Variants in RAB27B observed in about 807,000 individuals in gnomAD.
RAB27B encodes the protein RAB27B, member RAS oncogene family.
In RAB27B, 15 loss-of-function variants were observed where a neutral mutation model predicts 24.6. The observed-to-expected ratio is 0.61, with a 90% confidence interval of 0.41 to 0.94. The LOEUF (loss-of-function observed/expected upper bound fraction) is 0.94, where lower values mean the gene tolerates loss of function less well. Ranked by LOEUF, RAB27B falls within the 40% of genes least tolerant of loss-of-function variation. RAB27B has a pLI of 0.00. For synonymous variants in RAB27B, 105 were observed against 92.5 expected (o/e 1.14, Z -0.78); for missense variants, 261 against 266.8 (o/e 0.98, Z 0.15).
chr18:54,757,551 C>T (rs199664635), intron 2 of RAB27B, among the ~76,000 whole-genome samples: 1 of 152,100 alleles, frequency 6.6e-6, no homozygotes, highest in East Asian at 1.9e-4. Context: ...ATTTTATTTA[C>T]AACCTCTTGT....
At chr18:54,779,679 A>G (rs1272201567) in intron 2 of RAB27B, among the ~76,000 whole-genome samples, 1 of 152,170 alleles carries the variant, frequency 6.6e-6, no homozygotes, top group Non-Finnish European at 1.5e-5. Context: ...ATCAGCATCA[A>G]TGGGAATTTG....
upstream of RAB27B, among the ~76,000 whole-genome samples, chr18:54,825,916 A>G (rs982717029): frequency 1.3e-5 from 2 of 152,214 alleles, no homozygotes; most frequent in East Asian, 1.9e-4. Flanking sequence ...CAGGTTTTGC[A>G]GGAAGAATTG....
At chr18:54,734,460 A>G (rs897202434) in intron 2 of RAB27B, among the ~76,000 whole-genome samples, 4 of 152,192 alleles carry the variant, frequency 2.6e-5, no homozygotes, top group African/African-American at 9.6e-5. Flanking sequence ...GATCTATTTG[A>G]TGATGAGACT....
intron 2 of RAB27B, among the ~76,000 whole-genome samples, chr18:54,784,694 A>T (rs535605520): frequency 1.3e-5 from 2 of 152,266 alleles, no homozygotes; most frequent in East Asian, 3.9e-4. Flanking sequence ...ACATATCTCA[A>T]AATTTTTATC....
intron 2 of RAB27B, among the ~76,000 whole-genome samples, chr18:54,743,921 A>G (rs1288228014): frequency 6.6e-6 from 1 of 152,212 alleles, no homozygotes; most frequent in African/African-American, 2.4e-5. Context: ...CAGACCAGTT[A>G]CAGAGATATC....
chr18:54,772,882 G>A (rs946675867), intron 2 of RAB27B, among the ~76,000 whole-genome samples: 4 of 151,946 alleles, frequency 2.6e-5, no homozygotes, highest in Admixed American at 2.0e-4. Flanking sequence ...TCCTTTCTTT[G>A]TACAACTTTC....
At chr18:54,757,912 A>G (rs902563583) in intron 2 of RAB27B, among the ~76,000 whole-genome samples, 1 of 150,062 alleles carries the variant, frequency 6.7e-6, no homozygotes, top group Non-Finnish European at 1.5e-5. Context: ...TGACAAATAC[A>G]AAAAAATCAC....
chr18:54,735,973 A>G (rs768261805), intron 2 of RAB27B, among the ~76,000 whole-genome samples: 4 of 152,212 alleles, frequency 2.6e-5, no homozygotes, highest in Non-Finnish European at 5.9e-5. Flanking sequence ...TGGTAGTGTC[A>G]CATTTTAAAG....
At chr18:54,799,023 CA>C (rs1909514040) in intron 2 of RAB27B, among the ~76,000 whole-genome samples, 1 of 152,118 alleles carries the variant, frequency 6.6e-6, no homozygotes, top group South Asian at 2.1e-4. Flanking sequence ...AATTTTCTGG[CA>C]ATTTTAACTT....
At chr18:54,789,258 T>G (rs1011144379) in intron 2 of RAB27B, among the ~76,000 whole-genome samples, 1 of 152,228 alleles carries the variant, frequency 6.6e-6, no homozygotes, top group African/African-American at 2.4e-5. Flanking sequence ...ATATTATTTC[T>G]GTATTCATAC....
chr18:54,770,661 T>C (rs916237718), intron 2 of RAB27B, among the ~76,000 whole-genome samples: 12 of 151,880 alleles, frequency 7.9e-5, no homozygotes, highest in African/African-American at 2.9e-4. Context: ...ACAAAACCAG[T>C]CCATGGTGCC....
intron 1 of RAB27B, among the ~76,000 whole-genome samples, chr18:54,846,290 G>A (rs1598954777): frequency 6.6e-6 from 1 of 152,194 alleles, no homozygotes; most frequent in Admixed American, 6.5e-5. Flanking sequence ...TAGAAAACAA[G>A]GTTCTGTTTT....
chr18:54,837,343 G>A (rs1910935697), intron 1 of RAB27B, among the ~76,000 whole-genome samples: 1 of 152,026 alleles, frequency 6.6e-6, no homozygotes, highest in Admixed American at 6.6e-5. Flanking sequence ...CCAGACATTG[G>A]GGGAAAGGAG....
chr18:54,732,542 T>C (rs1020462473), intron 2 of RAB27B, among the ~76,000 whole-genome samples: 1 of 152,170 alleles, frequency 6.6e-6, no homozygotes, highest in Non-Finnish European at 1.5e-5. Context: ...TATTGTACCA[T>C]AATATAGTTT....
chr18:54,825,123 A>T (rs1443512501), upstream of RAB27B, among the ~76,000 whole-genome samples: 2 of 152,210 alleles, frequency 1.3e-5, no homozygotes, highest in African/African-American at 4.8e-5. Flanking sequence ...AATTTCATTT[A>T]AAAAATGTGA....
chr18:54,833,194 G>A (rs1910756080), intron 1 of RAB27B, among the ~76,000 whole-genome samples: 1 of 151,348 alleles, frequency 6.6e-6, no homozygotes, highest in African/African-American at 2.4e-5. Flanking sequence ...AATAAAGAAG[G>A]GTCATCTCCC....
At chr18:54,830,469 T>A (rs1443670503) in intron 1 of RAB27B, among the ~76,000 whole-genome samples, 1 of 152,216 alleles carries the variant, frequency 6.6e-6, no homozygotes, top group African/African-American at 2.4e-5. Flanking sequence ...TCAAGGCAGG[T>A]TGACCAATAG....
chr18:54,845,485 T>C (rs964837206), intron 1 of RAB27B, among the ~76,000 whole-genome samples: 1 of 149,724 alleles, frequency 6.7e-6, no homozygotes, highest in Non-Finnish European at 1.5e-5. Context: ...CAATAATGAA[T>C]ATAATAAAAG....
At chr18:54,800,511 A>G (rs1011068959) in intron 2 of RAB27B, among the ~76,000 whole-genome samples, 13 of 152,160 alleles carry the variant, frequency 8.5e-5, no homozygotes, top group Non-Finnish European at 1.8e-4. Flanking sequence ...GATGAAGACC[A>G]TTTCATTTTA....
Sources: gnomAD v4.1 joint callset for allele counts (sites outside exome capture counted in the v4.1 genomes callset) on GRCh38, gnomAD v4.1.1 for gene constraint, MANE v1.5 for transcripts, NCBI Gene and HGNC (gene_info 2026-07-23, HGNC 2026-07-21) for gene names.